Variants in MYO18B observed in about 807,000 individuals in gnomAD.
MYO18B encodes the protein myosin XVIIIB.
A neutral mutation model predicts 273.0 loss-of-function variants in MYO18B; 204 were observed. The ratio of observed to expected loss-of-function variants is 0.75; its 90% CI spans 0.67 to 0.84. The LOEUF is 0.84. Ranked by LOEUF, MYO18B falls within the 40% of genes least tolerant of loss-of-function variation. MYO18B has a pLI of 0.00. For missense variants in MYO18B, 3,212 were observed against 3,287.6 expected, an observed-to-expected ratio of 0.98 and a Z score of 0.56; for synonymous variants, 1,330 against 1,305.7, an observed-to-expected ratio of 1.02 and a Z score of -0.40.
chr22:25,869,728 C>T (rs1271347103), intron 22 of MYO18B, among the ~76,000 whole-genome samples: 3 of 152,112 alleles, frequency 2.0e-5, no homozygotes, highest in Non-Finnish European at 2.9e-5. Flanking sequence ...CATATGCATC[C>T]GTGAGAGTGG....
chr22:25,947,643 T>G (rs1165908078), intron 35 of MYO18B, 69 bp from the exon 36 acceptor site: 1 of 1,202,476 alleles, frequency 8.3e-7, no homozygotes, highest in African/African-American at 1.5e-5. Flanking sequence ...CTCTTTGCTC[T>G]TCCTCTGGAC....
chr22:25,895,180 A>C lies in MYO18B; in HGVS notation c.4568A>C (p.Asp1523Ala). 6.2e-7 allele frequency: 1 copy of C among 1,612,434 alleles called. No homozygotes were observed. ...GGADEWQMRF[D>A]CAQMENEFLR... is the part of the protein sequence containing the mutation. ...GCAGACGAGTGGCAGATGCGCTTCG[A>C]CTGTGCTCAGATGGAGAACGAGTTC... Residue 1523 changes from aspartate (D) to alanine (A), a missense_variant, in exon 28 of 44, where the codon GAC becomes GCC. By Grantham distance (126) the Asp-to-Ala change is moderately radical (BLOSUM62 -2). Transcript: ENST00000335473.
Position 25,817,063 on chromosome 22 carries a change from C to T in MYO18B, c.2522-6442C>T, listed in dbSNP as rs575758643. Among the ~76,000 whole-genome samples, 3 of 152,240 alleles carry T rather than the reference C, an allele frequency of 2.0e-5. No individual in the cohort carries two copies. In the East Asian group the frequency reaches 5.8e-4, roughly 29 times the overall value. On this transcript the variant is annotated intron_variant, in intron 12 of 43. Coordinates refer to ENST00000335473, the MANE Select transcript of MYO18B (RefSeq NM_032608.7). ...TGAACTCATAGTGGGTGGGGAAAAA[C>T]AGCTATGTTATTTCTCTCTCTCGCT...
At chr22:25,932,636 C>T (rs2092522573) in intron 34 of MYO18B, among the ~76,000 whole-genome samples, 1 of 152,026 alleles carries the variant, frequency 6.6e-6, no homozygotes, top group Non-Finnish European at 1.5e-5. Context: ...TCTCAAACTC[C>T]CGACCTCAGG....
At chr22:25,764,372 CTG>C (rs1248304610) in intron 3 of MYO18B, among the ~76,000 whole-genome samples, 1 of 152,084 alleles carries the variant, frequency 6.6e-6, no homozygotes, top group African/African-American at 2.4e-5. Flanking sequence ...GGGAGTATCC[CTG>C]TGTTAGGTAG....
chr22:25,862,644 T>C (rs1430264460), intron 21 of MYO18B, among the ~76,000 whole-genome samples: 1 of 152,218 alleles, frequency 6.6e-6, no homozygotes, highest in Non-Finnish European at 1.5e-5. Context: ...TTCTAACATG[T>C]AATCTCACTG....
chr22:25,992,498 C>A lies in MYO18B; in HGVS notation c.6287+5C>A. On this transcript the variant is annotated splice_donor_5th_base_variant and intron_variant, in intron 40 of 43. Coordinates refer to ENST00000335473, the MANE Select transcript of MYO18B (RefSeq NM_032608.7). Reference sequence around the variant, plus strand: ...CAGTGACAGTGATACTGAGAGGTAACTTGCTAGGGGCTCGGCGGGGCTGGG... The same window carrying A: ...CAGTGACAGTGATACTGAGAGGTAAATTGCTAGGGGCTCGGCGGGGCTGGG... The A allele has an allele frequency of 1.2e-6, 2 of 1,613,878 alleles. No individual in the cohort carries two copies. Among genetic ancestry groups the A allele is most frequent in the African/African-American group, 1.3e-5 (1 of 75,060 alleles).
intron 42 of MYO18B, among the ~76,000 whole-genome samples, chr22:26,014,643 A>G (rs1935168280): frequency 6.6e-6 from 1 of 152,208 alleles, no homozygotes; most frequent in African/African-American, 2.4e-5. Flanking sequence ...TCTTACATAA[A>G]TAAACATTTT....
intron 22 of MYO18B, among the ~76,000 whole-genome samples, chr22:25,873,515 A>G (rs2091105284): frequency 6.6e-6 from 1 of 152,116 alleles, no homozygotes; most frequent in Non-Finnish European, 1.5e-5. Flanking sequence ...ATCTTGGCTC[A>G]CCACAACTTC....
chr22:25,780,052 A>C lies in MYO18B; in HGVS notation c.2069-4A>C. The C allele has an allele frequency of 6.3e-7, 1 of 1,585,936 alleles. No individual in the cohort carries two copies. Among genetic ancestry groups the C allele is most frequent in the Non-Finnish European group, 8.6e-7 (1 of 1,168,182 alleles). On this transcript the variant is annotated splice_region_variant and splice_polypyrimidine_tract_variant and intron_variant, in intron 8 of 43. Coordinates refer to ENST00000335473, the MANE Select transcript of MYO18B (RefSeq NM_032608.7). ...GACATGTGGCCCCATGCTGCCCCCA[A>C]CAGTGGAGAAGATCCGAGCCACCTT...
In MYO18B at chr22:25,768,766, AAGG is replaced by A. The variant is rs777639509; in HGVS notation, c.854_856del (p.Glu285del). ...GGGGGTGCGACCAGGGAAAGCAGAGAAGGAGGGAGCAGAGCCCACAAACACGGT... is the reference window on the plus strand; with the variant it reads ...GGGGGTGCGACCAGGGAAAGCAGAGAAGGGAGCAGAGCCCACAAACACGGT... On this transcript the variant is annotated inframe_deletion, in exon 4 of 44. Transcript: ENST00000335473. 7 of 1,608,118 alleles carry A rather than the reference AAGG, an allele frequency of 4.4e-6. No individual in the cohort carries two copies. The South Asian group carries it at 6.7e-5, about 15-fold the overall frequency.
chr22:25,919,251 A>G (rs1186097672), intron 33 of MYO18B, among the ~76,000 whole-genome samples: 1 of 152,034 alleles, frequency 6.6e-6, no homozygotes, highest in African/African-American at 2.4e-5. Flanking sequence ...CCCATAATAT[A>G]TATTTTTTCA....
chr22:25,995,317 A>C (rs9613069), intron 40 of MYO18B, among the ~76,000 whole-genome samples: 24,322 of 152,206 alleles, frequency 0.16, 2,100 homozygotes, highest in African/African-American at 0.19. Flanking sequence ...TGAATGAATA[A>C]GGCCTGGTAT....
At chr22:25,900,382 T>A (rs1479730812) in intron 29 of MYO18B, 1 of 152,254 alleles carries the variant, frequency 6.6e-6, no homozygotes, top group Non-Finnish European at 1.5e-5. Flanking sequence ...CATCTCTCGA[T>A]GCTTAATCGA....
intron 32 of MYO18B, among the ~76,000 whole-genome samples, chr22:25,909,858 G>T (rs553989138): frequency 6.6e-6 from 1 of 152,328 alleles, no homozygotes; most frequent in Admixed American, 6.5e-5. Flanking sequence ...GGCAGAAAGA[G>T]CTGGGGTCAG....
At chr22:25,849,484 T>A (rs745516455) in intron 20 of MYO18B, among the ~76,000 whole-genome samples, 1 of 152,208 alleles carries the variant, frequency 6.6e-6, no homozygotes, top group Non-Finnish European at 1.5e-5. Context: ...AATATATATA[T>A]GCATATATAC....
Position 25,768,841 on chromosome 22 carries a change from G to A in MYO18B, c.925G>A (p.Val309Ile), listed in dbSNP as rs764599538. 40 of 1,612,372 alleles carry A rather than the reference G, an allele frequency of 2.5e-5. No homozygotes were observed. The highest frequency in any genetic ancestry group is 2.4e-5 in the Non-Finnish European group (28 of 1,179,188). The stretch of plus-strand genomic sequence containing the variant: ...GGACGTAGGGAGTGAAGGGAAGCAC[G>A]TAAGGCCCCAAATCCCTGGGAGAAA... ...SKDVGSEGKHVRPQIPGRKWG... is the reference protein window; with the variant it reads ...SKDVGSEGKHIRPQIPGRKWG... The change falls in exon 4 of 44, where the codon GTA becomes ATA. Residue 309 changes from valine to isoleucine, a missense_variant. Coordinates refer to ENST00000335473, the MANE Select transcript of MYO18B (RefSeq NM_032608.7).
intron 42 of MYO18B, chr22:26,006,356 T>A (rs903292082): frequency 5.6e-6 from 1 of 179,124 alleles, no homozygotes; most frequent in Non-Finnish European, 1.3e-5. Context: ...TAATTGGCAA[T>A]ATCAATATTG....
chr22:26,004,222 C>T (rs530430903), intron 41 of MYO18B, among the ~76,000 whole-genome samples: 1 of 151,906 alleles, frequency 6.6e-6, no homozygotes, highest in African/African-American at 2.4e-5. Context: ...TGACGACCCC[C>T]TCTCTTTCTG....
Sources: allele counts gnomAD v4.1 joint callset (sites outside exome capture counted in the v4.1 genomes callset), GRCh38; gene constraint gnomAD v4.1.1; transcripts MANE v1.5; gene names NCBI Gene and HGNC (gene_info 2026-07-23, HGNC 2026-07-21).